The following MGAT5B variants were observed in gnomAD, a reference collection of about 807,000 sequenced individuals.
MGAT5B encodes the protein N-acetylglucosaminyl-transferase Vb.
A neutral mutation model predicts 95.1 loss-of-function variants in MGAT5B; 54 were observed. The observed-to-expected ratio is 0.57, with a 90% CI of 0.46 to 0.71. The LOEUF is 0.71. Ranked by LOEUF, MGAT5B falls within the 30% of genes least tolerant of loss-of-function variation. The probability of loss-of-function intolerance (pLI) is 0.00; values close to 1 mark genes in which losing one functional copy is unlikely to be tolerated. For synonymous variants in MGAT5B, 464 were observed against 451.0 expected, an observed-to-expected ratio of 1.03 and a Z score of -0.36; for missense variants, 935 against 1,088.6, an observed-to-expected ratio of 0.86 and a Z score of 1.99.
chr17:76,940,805 C>T lies in MGAT5B; in HGVS notation c.1805C>T (p.Ser602Leu), dbSNP rs1969842104. 1.2e-6 allele frequency: 2 copies of T among 1,614,106 alleles called. No individual in the cohort carries two copies. Among genetic ancestry groups the T allele is most frequent in the Non-Finnish European group, 1.7e-6 (2 of 1,180,026 alleles). ...PHVWTVDYNN[S>L]EEFEAAIKAI... ...GTGTGGACAGTCGACTACAACAACTCAGAGGAGTTTGAAGCAGCCATCAAG... is the reference window on the plus strand; with the variant it reads ...GTGTGGACAGTCGACTACAACAACTTAGAGGAGTTTGAAGCAGCCATCAAG... Residue 602 changes from serine to leucine, a missense_variant, in exon 15 of 18, where the codon TCA (serine) becomes TTA (leucine). Physicochemically the swap from Ser to Leu is moderately radical, Grantham distance 145. This residue lies in a region of MGAT5B where 440 missense variants were observed against 523.6 expected (regional missense o/e 0.84). Coordinates refer to ENST00000569840, the MANE Select transcript of MGAT5B (RefSeq NM_001199172.2). The surrounding 1 kb of genome is among the most constrained non-coding windows in gnomAD (Gnocchi z 4.3).
At chr17:76,902,326 A>T (rs1052508908) in intron 3 of MGAT5B, among the ~76,000 whole-genome samples, 6 of 152,210 alleles carry the variant, frequency 3.9e-5, no homozygotes, top group Non-Finnish European at 8.8e-5. Context: ...ACATGTGCAG[A>T]TATGGGCTTT....
intron 10 of MGAT5B, among the ~76,000 whole-genome samples, chr17:76,931,436 T>C (rs1260187325): frequency 6.6e-6 from 1 of 152,188 alleles, no homozygotes; most frequent in Non-Finnish European, 1.5e-5. Flanking sequence ...ATGTATAGTC[T>C]AATGTCTGGT....
At chr17:76,892,775 G>A (rs553087400) in intron 3 of MGAT5B, among the ~76,000 whole-genome samples, 1 of 152,318 alleles carries the variant, frequency 6.6e-6, no homozygotes, top group South Asian at 2.1e-4. Context: ...CGTGTTGCCA[G>A]CCTTGGTGCC....
intron 3 of MGAT5B, among the ~76,000 whole-genome samples, chr17:76,892,448 A>C (rs1387033888): frequency 1.3e-5 from 2 of 152,250 alleles, no homozygotes; most frequent in Non-Finnish European, 2.9e-5. Context: ...AAACTGGCAG[A>C]GCCTGTGTGG....
Position 76,940,924 on chromosome 17 carries a change from C to T in MGAT5B, c.1848+76C>T, listed in dbSNP as rs1969846260. 4.6e-6 allele frequency: 6 copies of T among 1,304,310 alleles called. No individual in the cohort carries two copies. Among genetic ancestry groups the T allele is most frequent in the South Asian group, 3.7e-5 (3 of 80,684 alleles). The allele number at this position is 1,304,310 out of a possible 1,614,324, so 80.8% of individuals were successfully genotyped here. A position where few individuals can be genotyped will look rare whatever the true frequency, so the allele number is the denominator to read the frequency against. On this transcript the variant is annotated intron_variant, in intron 15 of 17. Transcript: ENST00000569840. This position sits in a 1 kb window ranked among gnomAD's most constrained non-coding sequence, Gnocchi z 4.3. Reference sequence around the variant, plus strand: ...TCTTCACTCTGATTAGAAAACGGTGCCCCCCTCTGGGTGAGTTCAGACTTG... The same window carrying T: ...TCTTCACTCTGATTAGAAAACGGTGTCCCCCTCTGGGTGAGTTCAGACTTG...
intron 16 of MGAT5B, among the ~76,000 whole-genome samples, 188 bp downstream of exon 16, chr17:76,946,638 T>A (rs1599013677): frequency 6.7e-6 from 1 of 150,144 alleles, no homozygotes; most frequent in Non-Finnish European, 1.5e-5. Flanking sequence ...ACTGCGGGCC[T>A]GGAAAGCAGC....
At chr17:76,901,334 C>T (rs532037839) in intron 3 of MGAT5B, among the ~76,000 whole-genome samples, 9 of 150,876 alleles carry the variant, frequency 6.0e-5, no homozygotes, top group South Asian at 2.1e-4. Context: ...TAGGGATAAA[C>T]GGAGCTTAAA....
intron 8 of MGAT5B, among the ~76,000 whole-genome samples, chr17:76,907,326 C>T (rs1330708810): frequency 6.6e-6 from 1 of 152,240 alleles, no homozygotes; most frequent in Non-Finnish European, 1.5e-5. Context: ...GTTGGGATTA[C>T]AGGCATGAGC....
At position 76,930,039 on chromosome 17, in the gene MGAT5B, A is replaced by G. The variant is rs1485754644; in HGVS notation, c.1292-2606A>G. On this transcript the variant is annotated intron_variant, in intron 10 of 17. Coordinates refer to ENST00000569840, the MANE Select transcript of MGAT5B (RefSeq NM_001199172.2). This position sits in a 1 kb window ranked among gnomAD's most constrained non-coding sequence, Gnocchi z 4.1. The stretch of plus-strand genomic sequence containing the variant: ...AGGGGAAGATGGTGCCGGACAGGTA[A>G]ACAGGGTCGGGCAGGGGCTGCTTTG... Among the ~76,000 whole-genome samples the G allele has an allele frequency of 6.6e-6, 1 of 152,106 alleles. No homozygotes were observed. Among genetic ancestry groups the G allele is most frequent in the Non-Finnish European group, 1.5e-5 (1 of 68,020 alleles).
In MGAT5B at chr17:76,925,078, C is replaced by G. The variant is rs1456471098; in HGVS notation, c.1138C>G (p.Leu380Val). The G allele has an allele frequency of 1.2e-6, 2 of 1,611,218 alleles. No individual in the cohort carries two copies. Among genetic ancestry groups the G allele is most frequent in the Non-Finnish European group, 1.7e-6 (2 of 1,179,342 alleles). The change falls in exon 9 of 18, where the codon CTC becomes GTC. Residue 380 changes from leucine (L) to valine (V), a missense_variant. Coordinates refer to ENST00000569840, the MANE Select transcript of MGAT5B (RefSeq NM_001199172.2). Reference sequence around the variant, plus strand: ...GCAGCAGATGAAGCGGCACATGGGACTCTCCTTCAAGAAGTACCGGTGAGA... The same window carrying G: ...GCAGCAGATGAAGCGGCACATGGGAGTCTCCTTCAAGAAGTACCGGTGAGA... ...GLQQMKRHMG[L>V]SFKKYRCRIR...
Position 76,948,013 on chromosome 17 carries a change from A to G in MGAT5B, c.2107A>G (p.Thr703Ala), listed in dbSNP as rs1401440571. ...CGTGCCTGGGAGGGCCTGCACCGAC[A>G]CCTGCCTGGACCACGGGCTAATCTG... ...LAVPGRACTDTCLDHGLICEP... is the reference protein window; with the variant it reads ...LAVPGRACTDACLDHGLICEP... The change falls in exon 17 of 18, where the codon ACC becomes GCC. Residue 703 changes from threonine to alanine, a missense_variant. Thr to Ala is a moderately conservative substitution (Grantham distance 58, BLOSUM62 0). Transcript: ENST00000569840. 5.0e-6 allele frequency: 8 copies of G among 1,612,882 alleles called. 1 individual carries two copies. In the South Asian group the frequency reaches 8.8e-5, roughly 18 times the overall value.
At position 76,889,002 on chromosome 17, in the gene MGAT5B, A is replaced by G. The variant is rs564586836; in HGVS notation, c.329+6704A>G. Among the ~76,000 whole-genome samples the G allele has an allele frequency of 2.0e-5, 3 of 152,208 alleles. No individual in the cohort carries two copies. In the South Asian group the frequency reaches 6.2e-4, roughly 32 times the overall value. Reference sequence around the variant, plus strand: ...CTGCACGAGGGTCGGCCTTGGGAAGAGGGGTGGGCGGTGATCAGAGGCCTC... The same window carrying G: ...CTGCACGAGGGTCGGCCTTGGGAAGGGGGGTGGGCGGTGATCAGAGGCCTC... On this transcript the variant is annotated intron_variant, in intron 3 of 17. Coordinates refer to ENST00000569840, the MANE Select transcript of MGAT5B (RefSeq NM_001199172.2). This position sits in a 1 kb window ranked among gnomAD's most constrained non-coding sequence, Gnocchi z 4.4.
At chr17:76,946,552 C>A in intron 16 of MGAT5B, 102 bp downstream of exon 16, 1 of 980,636 alleles carries the variant, frequency 1.0e-6, no homozygotes, top group Non-Finnish European at 1.4e-6. Context: ...GTGAAACCAT[C>A]CAACTCCCTG....
chr17:76,939,668 C>T (rs916472846), intron 13 of MGAT5B, among the ~76,000 whole-genome samples: 1 of 152,110 alleles, frequency 6.6e-6, no homozygotes, highest in Non-Finnish European at 1.5e-5. Context: ...GTCTTTACCC[C>T]CTTCCTCCTC....
intron 9 of MGAT5B, 122 bp from the exon 10 acceptor site, chr17:76,926,475 C>G (rs1265144538): frequency 6.3e-6 from 6 of 957,136 alleles, no homozygotes; most frequent in Non-Finnish European, 9.2e-6. Context: ...CAAGTGCTAA[C>G]ACACACTGTG....
In MGAT5B at chr17:76,905,480, G is replaced by A. The variant is rs1968488663; in HGVS notation, c.855+147G>A. On this transcript the variant is annotated intron_variant, in intron 7 of 17. Transcript: ENST00000569840. The surrounding 1 kb of genome is among the most constrained non-coding windows in gnomAD (Gnocchi z 4.2). ...GAGAGGGGTAGGGATGGCAGAGTCG[G>A]GATAGATGTCTGTGGTGGTGGCCCC... 2 of 783,530 alleles carry A rather than the reference G, an allele frequency of 2.6e-6. No individual in the cohort carries two copies. Among genetic ancestry groups the A allele is most frequent in the Admixed American group, 3.0e-5 (1 of 33,258 alleles). The allele number at this position is 783,530 out of a possible 1,614,324, so 48.5% of individuals were successfully genotyped here.
rs1442565441 is a variant in MGAT5B at position 76,930,198 on chromosome 17, T to C, written c.1292-2447T>C. ...AGGAGAGATCGTTTGGTTCTGTAGT[T>C]GAATTTTCAGGCCCAAGAATCTGTG... On this transcript the variant is annotated intron_variant, in intron 10 of 17. Transcript: ENST00000569840. The surrounding 1 kb of genome is among the most constrained non-coding windows in gnomAD (Gnocchi z 4.1). Among the ~76,000 whole-genome samples, 1 of 151,890 alleles carries C rather than the reference T, an allele frequency of 6.6e-6. No homozygotes were observed. Among genetic ancestry groups the C allele is most frequent in the East Asian group, 1.9e-4 (1 of 5,180 alleles).
At chr17:76,948,397 G>A (rs541646712) in intron 17 of MGAT5B, among the ~76,000 whole-genome samples, 1 of 152,318 alleles carries the variant, frequency 6.6e-6, no homozygotes, top group African/African-American at 2.4e-5. Context: ...TGTCCCAGGT[G>A]CTCCTCCTAC....
At chr17:76,924,235 T>G (rs1969218696) in intron 8 of MGAT5B, 1 of 152,146 alleles carries the variant, frequency 6.6e-6, no homozygotes. Context: ...TCCTTCCATG[T>G]CCTCCTGTCC....
Sources: gnomAD v4.1 joint callset for allele counts (sites outside exome capture counted in the v4.1 genomes callset) on GRCh38, gnomAD v4.1.1 for gene constraint, gnomAD v4.1.1 regional missense constraint, Gnocchi (gnomAD v3.1) non-coding constraint, MANE v1.5 for transcripts, NCBI Gene and HGNC (gene_info 2026-07-23, HGNC 2026-07-21) for gene names.